TENM3: variants seen among roughly 807,000 people sequenced by gnomAD.
TENM3 encodes teneurin-3.
Under a neutral mutation model 255.1 loss-of-function variants are expected in TENM3, and 63 were observed. The observed-to-expected ratio is 0.25, with a 90% CI of 0.20 to 0.30. TENM3 has a LOEUF of 0.30. TENM3 is among the 10% of genes least tolerant of loss of function. TENM3 has a pLI of 1.00. For synonymous variants in TENM3, 1,306 were observed against 1,322.3 expected (o/e 0.99, Z 0.27); for missense variants, 2,929 against 3,461.1 (o/e 0.85, Z 3.86).
chr4:182,351,458 A>G (rs1325100320), intron 3 of TENM3, among the ~76,000 whole-genome samples: 1 of 152,110 alleles, frequency 6.6e-6, no homozygotes, highest in East Asian at 1.9e-4. Flanking sequence ...ATCCCCTGTG[A>G]CAGTTACCCC....
rs187698358 is a variant in TENM3 at position 182,297,571 on chromosome 4, A to G, written c.-75-26375A>G. ...AGCGTCCCCTGATCCTCAGTGTCCC[A>G]GGCTCCCAAGCTGCCTTACGTCAGA... On this transcript the variant is annotated intron_variant, in intron 1 of 27. Coordinates refer to ENST00000511685, the MANE Select transcript of TENM3 (RefSeq NM_001080477.4). 1.6e-3 allele frequency among the ~76,000 whole-genome samples: 246 copies of G among 152,290 alleles called. 4 individuals carry two copies. The Middle Eastern group carries it at 0.017, about 11-fold the overall frequency.
the TENM3 span, among the ~76,000 whole-genome samples, chr4:181,450,592 C>A: frequency 6.6e-6 from 1 of 152,232 alleles, no homozygotes; most frequent in African/African-American, 2.4e-5. Flanking sequence ...GTTTGCGCAT[C>A]CAATTCAGAA....
At chr4:182,282,571 A>C (rs761456139) in intron 1 of TENM3, among the ~76,000 whole-genome samples, 1 of 152,088 alleles carries the variant, frequency 6.6e-6, no homozygotes. Flanking sequence ...TTTTGTTAGA[A>C]AACTAGAAAA....
intron 1 of TENM3, among the ~76,000 whole-genome samples, chr4:182,321,151 G>C (rs1318911921): frequency 6.6e-6 from 1 of 152,096 alleles, no homozygotes; most frequent in Non-Finnish European, 1.5e-5. Context: ...AGATCAAGAT[G>C]ATTTGGAAAC....
the TENM3 span, among the ~76,000 whole-genome samples, chr4:181,805,693 C>T: frequency 2.0e-5 from 3 of 152,144 alleles, no homozygotes; most frequent in African/African-American, 7.2e-5. Context: ...GCACGTGTCA[C>T]CCATTTGCAG....
the TENM3 span, among the ~76,000 whole-genome samples, chr4:181,952,384 A>T: frequency 6.6e-6 from 1 of 152,258 alleles, no homozygotes; most frequent in Admixed American, 6.5e-5. Context: ...AGACTGAGGA[A>T]GTCTTCTACC....
rs556558050 is a variant in TENM3 at position 182,591,720 on chromosome 4, T to C, written c.512-9204T>C. Reference sequence around the variant, plus strand: ...TGTGTGAGAATTCTAGAAAAAATAATGAACTACAGGAACTGGTTTATGTGA... The same window carrying C: ...TGTGTGAGAATTCTAGAAAAAATAACGAACTACAGGAACTGGTTTATGTGA... On this transcript the variant is annotated intron_variant, in intron 3 of 27. Transcript: ENST00000511685. 1.4e-3 allele frequency among the ~76,000 whole-genome samples: 206 copies of C among 152,302 alleles called. 3 individuals carry two copies. In the South Asian group the frequency reaches 0.039, roughly 29 times the overall value.
the TENM3 span, among the ~76,000 whole-genome samples, chr4:181,560,706 A>C: frequency 6.6e-6 from 1 of 152,176 alleles, no homozygotes; most frequent in South Asian, 2.1e-4. Flanking sequence ...GTTTGTTAAC[A>C]GCTGCATGAC....
At chr4:182,599,516 T>C (rs1747624834) in intron 3 of TENM3, among the ~76,000 whole-genome samples, 1 of 152,178 alleles carries the variant, frequency 6.6e-6, no homozygotes, top group Admixed American at 6.5e-5. Flanking sequence ...CATTGTTAAA[T>C]TATATGATAT....
chr4:182,430,422 C>A (rs1771534311), intron 3 of TENM3, among the ~76,000 whole-genome samples: 1 of 152,096 alleles, frequency 6.6e-6, no homozygotes, highest in African/African-American at 2.4e-5. Context: ...GTGGCAGGCA[C>A]TTGTTGTCCC....
the TENM3 span, among the ~76,000 whole-genome samples, chr4:182,061,538 C>A: frequency 6.6e-6 from 1 of 152,180 alleles, no homozygotes; most frequent in African/African-American, 2.4e-5. Flanking sequence ...ATTATCCCCT[C>A]CTCCGAAACT....
chr4:182,326,366 G>T (rs1343661130), intron 2 of TENM3, among the ~76,000 whole-genome samples: 1 of 152,118 alleles, frequency 6.6e-6, no homozygotes, highest in Non-Finnish European at 1.5e-5. Context: ...GGTTTGGAGA[G>T]GCTGGAGACC....
chr4:182,757,584 A>G (rs1561208654), intron 22 of TENM3, among the ~76,000 whole-genome samples: 2 of 152,226 alleles, frequency 1.3e-5, no homozygotes, highest in East Asian at 3.9e-4. Flanking sequence ...TTGGAAAATT[A>G]GAGAAATTTC....
At chr4:182,400,099 A>T (rs1769124354) in intron 3 of TENM3, among the ~76,000 whole-genome samples, 1 of 152,126 alleles carries the variant, frequency 6.6e-6, no homozygotes, top group Non-Finnish European at 1.5e-5. Context: ...GACCTTATGT[A>T]ATGTTTAATG....
chr4:181,821,892 A>G, the TENM3 span, among the ~76,000 whole-genome samples: 1 of 152,360 alleles, frequency 6.6e-6, no homozygotes, highest in Non-Finnish European at 1.5e-5. Flanking sequence ...GTTTGGAAGT[A>G]CAAGGCAACA....
chr4:182,591,571 A>G (rs1189937296), intron 3 of TENM3, among the ~76,000 whole-genome samples: 2 of 152,194 alleles, frequency 1.3e-5, no homozygotes, highest in African/African-American at 2.4e-5. Context: ...TTGAAATTTC[A>G]TTTGATTTAC....
At chr4:182,152,563 A>G (rs1009542617) in intron 1 of TENM3, among the ~76,000 whole-genome samples, 8 of 151,900 alleles carry the variant, frequency 5.3e-5, no homozygotes, top group Non-Finnish European at 1.2e-4. Flanking sequence ...GTCCTAGAAT[A>G]TACAATCTCT....
the TENM3 span, among the ~76,000 whole-genome samples, chr4:182,070,645 A>G: frequency 6.6e-6 from 1 of 152,206 alleles, no homozygotes; most frequent in Non-Finnish European, 1.5e-5. Context: ...TATACACAGA[A>G]GAAAAACATA....
chr4:182,679,179 G>A (rs536391172), intron 7 of TENM3, among the ~76,000 whole-genome samples: 1 of 151,700 alleles, frequency 6.6e-6, no homozygotes, highest in East Asian at 1.9e-4. Context: ...AGCACATTCT[G>A]CACATGTACC....
Sources: gnomAD v4.1 joint callset for allele counts (sites outside exome capture counted in the v4.1 genomes callset) on GRCh38, gnomAD v4.1.1 for gene constraint, MANE v1.5 for transcripts, NCBI Gene and HGNC (gene_info 2026-07-23, HGNC 2026-07-21) for gene names.